The following KIFAP3 variants were observed in gnomAD, a reference collection of about 807,000 sequenced individuals.
KIFAP3 encodes kinesin associated protein 3, also known as kinesin-associated protein 3.
Under a neutral mutation model 106.5 loss-of-function variants are expected in KIFAP3, and 68 were observed. The ratio of observed to expected loss-of-function variants is 0.64; its 90% CI spans 0.53 to 0.78. The LOEUF (loss-of-function observed/expected upper bound fraction) is 0.78. Among genes scored for constraint, KIFAP3 ranks in the 30% least tolerant of loss-of-function variants. The pLI, the probability that KIFAP3 is intolerant of heterozygous loss-of-function variation, is 0.00. For synonymous variants in KIFAP3, 320 were observed against 311.5 expected (o/e 1.03, Z -0.29); for missense variants, 780 against 941.8 (o/e 0.83, Z 2.25).
intron 4 of KIFAP3, among the ~76,000 whole-genome samples, chr1:170,038,639 T>C (rs183076019): frequency 2.3e-4 from 35 of 152,350 alleles, no homozygotes; most frequent in Middle Eastern, 3.4e-3. Flanking sequence ...GAGATTTATA[T>C]AAACTTTAAA....
intron 19 of KIFAP3, among the ~76,000 whole-genome samples, chr1:169,940,227 C>A (rs914086072): frequency 3.9e-5 from 6 of 152,174 alleles, no homozygotes; most frequent in African/African-American, 1.4e-4. Context: ...CTTAAACCTA[C>A]ATGCTTCAGT....
At chr1:169,937,584 C>G (rs1663876178) in intron 19 of KIFAP3, among the ~76,000 whole-genome samples, 1 of 151,682 alleles carries the variant, frequency 6.6e-6, no homozygotes. Flanking sequence ...ACTATGAAAA[C>G]TAATACAGAT....
At chr1:169,969,336 A>G (rs1387272372) in intron 17 of KIFAP3, among the ~76,000 whole-genome samples, 1 of 152,058 alleles carries the variant, frequency 6.6e-6, no homozygotes, top group Non-Finnish European at 1.5e-5. Context: ...TGGCAAGATT[A>G]TTAATAAGAC....
At chr1:170,062,215 C>CA (rs112112967) in intron 1 of KIFAP3, among the ~76,000 whole-genome samples, 8,067 of 85,150 alleles carry the variant, frequency 0.095, 254 homozygotes, top group South Asian at 0.16. Flanking sequence ...GAGATACCAT[C>CA]AAAAAAAAAA....
chr1:169,987,644 T>G (rs760401462), intron 11 of KIFAP3, among the ~76,000 whole-genome samples: 20 of 152,066 alleles, frequency 1.3e-4, no homozygotes, highest in Non-Finnish European at 2.9e-4. Context: ...TTACCAGCAT[T>G]CAGCTAAAAA....
intron 4 of KIFAP3, among the ~76,000 whole-genome samples, chr1:170,038,774 T>C (rs1306487390): frequency 6.6e-6 from 1 of 152,194 alleles, no homozygotes; most frequent in Non-Finnish European, 1.5e-5. Context: ...CCATCATTTA[T>C]CAAAATTAAT....
chr1:170,085,052 G>A (rs1165802370), exon 1 of KIFAP3: 5 of 152,180 alleles, frequency 3.3e-5, no homozygotes, highest in African/African-American at 7.2e-5. Flanking sequence ...TTGCCTTTGG[G>A]ATGCCATCAA....
At chr1:170,024,812 A>G (rs1249082205) in intron 8 of KIFAP3, 1 of 355,364 alleles carries the variant, frequency 2.8e-6, no homozygotes, top group Non-Finnish European at 5.0e-6. Flanking sequence ...AACAAAACAC[A>G]CATATAAAAT....
chr1:169,973,283 A>T (rs528160734), intron 16 of KIFAP3, among the ~76,000 whole-genome samples: 1 of 149,714 alleles, frequency 6.7e-6, no homozygotes, highest in African/African-American at 2.4e-5. Flanking sequence ...AGCAAAAGGA[A>T]TAAATTTTAA....
intron 19 of KIFAP3, among the ~76,000 whole-genome samples, chr1:169,934,036 ATGTATTTGGTGG>A (rs1308793542): frequency 6.6e-6 from 1 of 152,092 alleles, no homozygotes; most frequent in Non-Finnish European, 1.5e-5. Flanking sequence ...CGCATATAGT[ATGTATTTGGTGG>A]TGTTATTGTT....
At chr1:169,967,224 A>C (rs1230273425) in intron 17 of KIFAP3, among the ~76,000 whole-genome samples, 1 of 151,882 alleles carries the variant, frequency 6.6e-6, no homozygotes, top group African/African-American at 2.4e-5. Flanking sequence ...AAATGTGAGA[A>C]AGAATCTCAA....
At chr1:170,039,836 A>G (rs1295052594) in intron 3 of KIFAP3, among the ~76,000 whole-genome samples, 2 of 152,160 alleles carry the variant, frequency 1.3e-5, no homozygotes, top group East Asian at 3.8e-4. Context: ...TGTTAATTAA[A>G]TCCTCACTTA....
intron 10 of KIFAP3, among the ~76,000 whole-genome samples, chr1:170,016,038 C>G (rs985802837): frequency 6.6e-6 from 1 of 151,832 alleles, no homozygotes; most frequent in Non-Finnish European, 1.5e-5. Flanking sequence ...AAAAATATAC[C>G]CTTTTTAACT....
intron 16 of KIFAP3, among the ~76,000 whole-genome samples, chr1:169,975,246 T>C (rs1043368127): frequency 6.6e-6 from 1 of 152,118 alleles, no homozygotes; most frequent in African/African-American, 2.4e-5. Flanking sequence ...TCTTATGTGA[T>C]TGAGTCACAG....
chr1:169,988,998 A>G (rs191476154), intron 11 of KIFAP3, among the ~76,000 whole-genome samples: 102 of 152,098 alleles, frequency 6.7e-4, no homozygotes, highest in African/African-American at 2.4e-3. Flanking sequence ...TTGACCTCCT[A>G]AATTTGGGAA....
intron 9 of KIFAP3, among the ~76,000 whole-genome samples, chr1:170,018,322 A>G (rs1488365719): frequency 6.6e-6 from 1 of 152,146 alleles, no homozygotes; most frequent in Non-Finnish European, 1.5e-5. Flanking sequence ...CCTTTGAAGA[A>G]AAGGTTTGCA....
Position 170,006,146 on chromosome 1 carries a change from A to G in KIFAP3, c.1183+10316T>C, listed in dbSNP as rs556430498. On this transcript the variant is annotated intron_variant, in intron 10 of 19. Coordinates refer to ENST00000361580, the MANE Select transcript of KIFAP3 (RefSeq NM_014970.4). ...TCTAAATAAGACGAAAGGTTCAGTG[A>G]AGATCAACTGACTTGCCTAAAGTCA... Among the ~76,000 whole-genome samples the G allele has an allele frequency of 2.6e-5, 4 of 152,324 alleles. No homozygotes were observed. The South Asian group carries it at 8.3e-4, about 32-fold the overall frequency.
chr1:170,046,620 T>C (rs1367216261), intron 3 of KIFAP3, 92 bp downstream of exon 3: 6 of 999,858 alleles, frequency 6.0e-6, no homozygotes, highest in African/African-American at 1.7e-5. Flanking sequence ...CAAATATCAA[T>C]AGTTTGATAA....
chr1:169,970,924 C>T (rs1167635527), intron 17 of KIFAP3, among the ~76,000 whole-genome samples: 1 of 151,848 alleles, frequency 6.6e-6, no homozygotes, highest in East Asian at 1.9e-4. Flanking sequence ...AGAAGGAGAG[C>T]TAAGACAGTA....
Sources: allele counts gnomAD v4.1 joint callset (sites outside exome capture counted in the v4.1 genomes callset), GRCh38; gene constraint gnomAD v4.1.1; transcripts MANE v1.5; gene names NCBI Gene and HGNC (gene_info 2026-07-23, HGNC 2026-07-21).